NIBAN3: variants seen among roughly 807,000 people sequenced by gnomAD.
The protein encoded by NIBAN3 is niban apoptosis regulator 3.
Under a neutral mutation model 76.4 loss-of-function variants are expected in NIBAN3, and 66 were observed. The observed-to-expected ratio is 0.86, with a 90% CI of 0.71 to 1.06. The LOEUF is 1.06. NIBAN3 is among the 50% of genes least tolerant of loss of function. The probability of loss-of-function intolerance (pLI) is 0.00; values close to 1 mark genes in which losing one functional copy is unlikely to be tolerated. For missense variants in NIBAN3, 808 were observed against 810.7 expected (o/e 1.00, Z 0.04); for synonymous variants, 360 against 355.2 (o/e 1.01, Z -0.15).
chr19:17,534,773 A>G (rs1031856118), intron 4 of NIBAN3, among the ~76,000 whole-genome samples: 50 of 146,440 alleles, frequency 3.4e-4, no homozygotes, highest in African/African-American at 1.2e-3. Context: ...CCAGGGTGAC[A>G]GAGCAAGACT....
intron 7 of NIBAN3, 69 bp downstream of exon 7, chr19:17,539,520 T>C (rs1280881859): frequency 6.8e-7 from 1 of 1,460,578 alleles, no homozygotes; most frequent in Non-Finnish European, 9.1e-7. Context: ...CCCACGACTG[T>C]CGCCTAAACC....
At chr19:17,536,552 G>C (rs1046375225) in intron 4 of NIBAN3, among the ~76,000 whole-genome samples, 1 of 152,026 alleles carries the variant, frequency 6.6e-6, no homozygotes, top group African/African-American at 2.4e-5. Flanking sequence ...AAACACTGGA[G>C]ACAGGATACC....
intron 5 of NIBAN3, among the ~76,000 whole-genome samples, chr19:17,538,496 G>A (rs548960257): frequency 2.4e-4 from 37 of 151,844 alleles, no homozygotes; most frequent in African/African-American, 8.9e-4. Flanking sequence ...GGTGGCATGA[G>A]CTTGTGGTCT....
At chr19:17,527,217 AG>A (rs1479032347), upstream of NIBAN3, 1 of 1,423,610 alleles carries the variant, frequency 7.0e-7, no homozygotes, top group African/African-American at 1.5e-5. Context: ...GGGGTGGGGC[AG>A]GGGCGGGGCC....
Position 17,553,144 on chromosome 19 carries a change from T to C in NIBAN3, c.*1246T>C. 1.0e-6 allele frequency: 1 copy of C among 964,784 alleles called. No homozygotes were observed. Among genetic ancestry groups the C allele is most frequent in the Non-Finnish European group, 1.5e-6 (1 of 679,006 alleles). 59.8% of individuals were successfully genotyped at this position (964,784 alleles called of 1,614,324 possible). ...GTAGTTTTTTTTTTTTTAATTTCAG[T>C]GAATTGCCTGTTCATAGCTTTTTTC... On this transcript the variant is annotated 3_prime_UTR_variant, in exon 15 of 15. Transcript: ENST00000599164.
upstream of NIBAN3, among the ~76,000 whole-genome samples, chr19:17,523,644 G>A (rs192523426): frequency 3.4e-4 from 52 of 152,312 alleles, 1 homozygote; most frequent in Non-Finnish European, 5.0e-4. Context: ...CTTTGCGAGA[G>A]TGACAACTCT....
At position 17,553,281 on chromosome 19, in the gene NIBAN3, C is replaced by T. The variant is rs57969878; in HGVS notation, c.*1383C>T. ...ACAGATTTTGGGGTTTTTTTCTCCG[C>T]TTGCTGTGAGCCTTTTGGGTTTGTT... On this transcript the variant is annotated 3_prime_UTR_variant, in exon 15 of 15. Transcript: ENST00000599164. 0.073 allele frequency: 116,906 copies of T among 1,603,366 alleles called. 6,444 individuals are homozygous for T. Among genetic ancestry groups the T allele is most frequent in the Admixed American group, 0.27 (15,949 of 59,042 alleles).
Position 17,537,539 on chromosome 19 carries a change from C to T in NIBAN3, c.591C>T (p.Gly197=). ...TGCAGGGTGGCATCCGGCTTCAGGG[C>T]ATAGGTGGGTCTCAGGACGGGTCAG... is the stretch of plus-strand genomic sequence containing the variant. ...LALQGGIRLQ[G]IVLQRSQAPA... is the part of the protein sequence containing the mutation. The change falls in exon 5 of 15, where the codon GGC becomes GGT. Residue 197 remains glycine (G), a synonymous_variant. Transcript: ENST00000599164. 3 of 1,594,474 alleles carry T rather than the reference C, an allele frequency of 1.9e-6. No individual in the cohort carries two copies. Among genetic ancestry groups the T allele is most frequent in the Non-Finnish European group, 1.7e-6 (2 of 1,173,760 alleles).
At chr19:17,549,562 T>A in intron 14 of NIBAN3, 35 bp downstream of exon 14, 1 of 1,541,556 alleles carries the variant, frequency 6.5e-7, no homozygotes, top group African/African-American at 1.4e-5. Context: ...AACATGCCAG[T>A]GATTGCTGGG....
intron 5 of NIBAN3, among the ~76,000 whole-genome samples, chr19:17,538,483 C>T (rs1018561014): frequency 1.3e-5 from 2 of 149,404 alleles, no homozygotes; most frequent in African/African-American, 2.5e-5. Context: ...GGCACAGTGG[C>T]GTGGTGGCAT....
chr19:17,550,843 CTTTT>C (rs10690901), intron 14 of NIBAN3, among the ~76,000 whole-genome samples: 3,548 of 91,488 alleles, frequency 0.039, 136 homozygotes, highest in African/African-American at 0.13. Context: ...CTTGTACATA[CTTTT>C]TTTTTTTTTT....
upstream of NIBAN3, chr19:17,527,105 C>A: frequency 5.9e-6 from 6 of 1,011,282 alleles, no homozygotes; most frequent in African/African-American, 1.6e-5. Context: ...TTCTCCCACA[C>A]CCCACAACCT....
At position 17,553,357 on chromosome 19, in the gene NIBAN3, G is replaced by A. The variant is rs772666998; in HGVS notation, c.*1459G>A. ...GTCAAGTTTCCTGGCTGGGAGACAA[G>A]CTTTTACCGACTTCCTCTGCTTGCC... On this transcript the variant is annotated 3_prime_UTR_variant, in exon 15 of 15. Coordinates refer to ENST00000599164, the MANE Select transcript of NIBAN3 (RefSeq NM_001321827.2). 1.2e-6 allele frequency: 2 copies of A among 1,614,148 alleles called. No individual in the cohort carries two copies. The highest frequency in any genetic ancestry group is 1.3e-5 in the African/African-American group (1 of 75,042).
chr19:17,551,410 T>C (rs2076154323), intron 14 of NIBAN3, among the ~76,000 whole-genome samples: 1 of 151,672 alleles, frequency 6.6e-6, no homozygotes, highest in Non-Finnish European at 1.5e-5. Flanking sequence ...TTCTTTTTTT[T>C]TATTTTTATT....
chr19:17,536,954 T>C (rs919364496), intron 4 of NIBAN3, among the ~76,000 whole-genome samples: 5 of 151,998 alleles, frequency 3.3e-5, no homozygotes, highest in African/African-American at 1.2e-4. Context: ...CTGGGTAACA[T>C]AGTGAGACCC....
chr19:17,537,408 T>C lies in NIBAN3; in HGVS notation c.460T>C (p.Leu154=), dbSNP rs1469201961. ...DHTQEEPDSL[L]EVPVSFPLFL... ...TACTCAGGAAGAGCCTGACTCCCTCTTGGAAGTGCCTGTGAGCTTCCCGCT... is the reference window on the plus strand; with the variant it reads ...TACTCAGGAAGAGCCTGACTCCCTCCTGGAAGTGCCTGTGAGCTTCCCGCT... The change falls in exon 5 of 15, where the codon TTG becomes CTG. Residue 154 remains leucine (L), a synonymous_variant. Coordinates refer to ENST00000599164, the MANE Select transcript of NIBAN3 (RefSeq NM_001321827.2). 1 of 1,614,024 alleles carries C rather than the reference T, an allele frequency of 6.2e-7. No individual in the cohort carries two copies. Among genetic ancestry groups the C allele is most frequent in the East Asian group, 2.2e-5 (1 of 44,882 alleles).
chr19:17,548,810 C>T (rs2076104869), intron 13 of NIBAN3, among the ~76,000 whole-genome samples: 1 of 152,112 alleles, frequency 6.6e-6, no homozygotes, highest in Admixed American at 6.6e-5. Context: ...CCTGTAGTCC[C>T]AGCTACTTGG....
At chr19:17,539,480 G>T in intron 7 of NIBAN3, 29 bp downstream of exon 7, 1 of 1,459,496 alleles carries the variant, frequency 6.9e-7, no homozygotes, top group East Asian at 2.5e-5. Context: ...TCCGGGATAG[G>T]GGGCGGGATG....
chr19:17,524,755 C>T (rs150343335), upstream of NIBAN3, among the ~76,000 whole-genome samples: 451 of 152,356 alleles, frequency 3.0e-3, 4 homozygotes, highest in African/African-American at 0.01. Flanking sequence ...ACCCCAGCTC[C>T]TTCTACATCA....
Sources: gnomAD v4.1 joint callset for allele counts (sites outside exome capture counted in the v4.1 genomes callset) on GRCh38, gnomAD v4.1.1 for gene constraint, MANE v1.5 for transcripts, NCBI Gene and HGNC (gene_info 2026-07-23, HGNC 2026-07-21) for gene names.